Variants in HIBADH observed in about 807,000 individuals in gnomAD.
The protein encoded by HIBADH is 3-hydroxyisobutyrate dehydrogenase.
A neutral mutation model predicts 36.1 loss-of-function variants in HIBADH; 25 were observed. The observed-to-expected ratio is 0.69, with a 90% CI of 0.50 to 0.97. HIBADH has a LOEUF of 0.97. Ranked by LOEUF, HIBADH falls within the 50% of genes least tolerant of loss-of-function variation. The pLI, the probability that HIBADH is intolerant of heterozygous loss-of-function variation, is 0.00. For synonymous variants in HIBADH, 160 were observed against 149.5 expected (o/e 1.07, Z -0.51); for missense variants, 421 against 418.0 (o/e 1.01, Z -0.06).
chr7:27,604,531 C>G (rs1236150088), intron 4 of HIBADH, among the ~76,000 whole-genome samples: 2 of 151,774 alleles, frequency 1.3e-5, no homozygotes, highest in Non-Finnish European at 2.9e-5. Context: ...GAGGCAATTC[C>G]AGAACACAGG....
chr7:27,557,083 C>A (rs532848835), intron 4 of HIBADH, among the ~76,000 whole-genome samples: 1 of 150,314 alleles, frequency 6.7e-6, no homozygotes, highest in Non-Finnish European at 1.5e-5. Flanking sequence ...GAGGCTATAG[C>A]GAGGCATGTT....
At chr7:27,540,399 T>C (rs1784130968) in intron 5 of HIBADH, among the ~76,000 whole-genome samples, 1 of 152,174 alleles carries the variant, frequency 6.6e-6, no homozygotes, top group Non-Finnish European at 1.5e-5. Context: ...CTTGAATTAA[T>C]CCAAGATCCA....
chr7:27,643,151 A>G (rs563734602), intron 2 of HIBADH, among the ~76,000 whole-genome samples: 1 of 152,342 alleles, frequency 6.6e-6, no homozygotes, highest in South Asian at 2.1e-4. Flanking sequence ...TCTGAGCTAT[A>G]TTCCCAGTGC....
chr7:27,532,359 A>T (rs914876702), intron 6 of HIBADH, among the ~76,000 whole-genome samples: 1 of 152,064 alleles, frequency 6.6e-6, no homozygotes, highest in East Asian at 1.9e-4. Context: ...TCCAGAAAAT[A>T]AAAAAAACAC....
intron 2 of HIBADH, among the ~76,000 whole-genome samples, chr7:27,633,602 T>C (rs1253472758): frequency 2.0e-5 from 3 of 151,928 alleles, no homozygotes; most frequent in Non-Finnish European, 4.4e-5. Flanking sequence ...GAGGTTACGG[T>C]GAGCTATGAT....
intron 4 of HIBADH, among the ~76,000 whole-genome samples, chr7:27,578,083 T>C (rs965281818): frequency 5.3e-5 from 8 of 152,344 alleles, no homozygotes; most frequent in Non-Finnish European, 1.0e-4. Context: ...AATCAAATCA[T>C]TAAATAGTTT....
chr7:27,578,093 TAG>T (rs1033853342), intron 4 of HIBADH, among the ~76,000 whole-genome samples: 11 of 152,306 alleles, frequency 7.2e-5, no homozygotes, highest in Admixed American at 4.6e-4. Context: ...TTAAATAGTT[TAG>T]AGAGTTCAGT....
intron 4 of HIBADH, among the ~76,000 whole-genome samples, chr7:27,592,792 C>G (rs1317786043): frequency 2.0e-5 from 3 of 148,070 alleles, no homozygotes; most frequent in Non-Finnish European, 4.4e-5. Flanking sequence ...AAATCCTAAT[C>G]TGATTATGCT....
intron 1 of HIBADH, among the ~76,000 whole-genome samples, chr7:27,660,519 G>C (rs891888318): frequency 1.1e-4 from 17 of 152,124 alleles, no homozygotes; most frequent in African/African-American, 4.1e-4. Flanking sequence ...CAAAAAACTA[G>C]CCGGGCGTGG....
At chr7:27,553,706 A>T (rs1187903444) in intron 4 of HIBADH, among the ~76,000 whole-genome samples, 1 of 152,216 alleles carries the variant, frequency 6.6e-6, no homozygotes, top group Non-Finnish European at 1.5e-5. Flanking sequence ...ATGGTGCACA[A>T]TGTCGGTTTA....
intron 6 of HIBADH, among the ~76,000 whole-genome samples, chr7:27,535,826 C>A (rs1784063769): frequency 6.6e-6 from 1 of 151,480 alleles, no homozygotes; most frequent in South Asian, 2.1e-4. Context: ...AGCATAGGGT[C>A]AATAAGAATT....
intron 4 of HIBADH, among the ~76,000 whole-genome samples, chr7:27,601,556 G>GT (rs1304410043): frequency 1.3e-5 from 2 of 151,968 alleles, no homozygotes; most frequent in African/African-American, 4.8e-5. Flanking sequence ...TCAATTTTGG[G>GT]TATTTAAAAA....
intron 2 of HIBADH, among the ~76,000 whole-genome samples, chr7:27,637,391 G>GT (rs1169077606): frequency 2.0e-5 from 3 of 152,060 alleles, no homozygotes; most frequent in Non-Finnish European, 2.9e-5. Context: ...TATCAGTTAC[G>GT]TTTTTTAAAA....
chr7:27,564,277 A>T (rs1231330893), intron 4 of HIBADH, among the ~76,000 whole-genome samples: 1 of 152,176 alleles, frequency 6.6e-6, no homozygotes, highest in African/African-American at 2.4e-5. Context: ...ATTTTTTCCA[A>T]ACCCAAGGCC....
chr7:27,653,453 C>T lies in HIBADH; in HGVS notation c.92-3820G>A, dbSNP rs181309291. 8.4e-4 allele frequency among the ~76,000 whole-genome samples: 127 copies of T among 152,082 alleles called. No homozygotes were observed. In the East Asian group the frequency reaches 0.011, roughly 14 times the overall value. On this transcript the variant is annotated intron_variant, in intron 1 of 7. Transcript: ENST00000265395. ...AACAGACTATTAGAAATACCATGAC[C>T]GGCCGGGCGTGGTGGCTCACGCCTG...
chr7:27,598,820 A>G (rs1785073753), intron 4 of HIBADH, among the ~76,000 whole-genome samples: 1 of 152,138 alleles, frequency 6.6e-6, no homozygotes, highest in Non-Finnish European at 1.5e-5. Flanking sequence ...CCTCACCATA[A>G]AAACTACCCA....
At position 27,538,286 on chromosome 7, in the gene HIBADH, A is replaced by C. The variant is rs1249648968; in HGVS notation, c.695+55T>G. The C allele has an allele frequency of 5.3e-6, 7 of 1,324,618 alleles. No individual in the cohort carries two copies. In the East Asian group the frequency reaches 1.6e-4, roughly 31 times the overall value. The allele number at this position is 1,324,618 out of a possible 1,614,324, so 82.1% of individuals were successfully genotyped here. On this transcript the variant is annotated intron_variant, in intron 6 of 7. Transcript: ENST00000265395. ...AATATCATTTTTTTAACATCAGAAA[A>C]TCAAATAGGAAAGCCTATAAAAATG...
intron 4 of HIBADH, among the ~76,000 whole-genome samples, chr7:27,595,536 A>AT (rs35969430): frequency 0.75 from 113,432 of 150,660 alleles, 43,084 homozygotes; most frequent in East Asian, 0.94. Flanking sequence ...CTGTCTCAAA[A>AT]TAAATAAATA....
intron 4 of HIBADH, among the ~76,000 whole-genome samples, chr7:27,554,042 G>T (rs1265127847): frequency 6.6e-6 from 1 of 152,132 alleles, no homozygotes; most frequent in Non-Finnish European, 1.5e-5. Context: ...CTGGAGTACA[G>T]TGGTGCGATC....
Sources: gnomAD v4.1 joint callset for allele counts (sites outside exome capture counted in the v4.1 genomes callset) on GRCh38, gnomAD v4.1.1 for gene constraint, MANE v1.5 for transcripts, NCBI Gene and HGNC (gene_info 2026-07-23, HGNC 2026-07-21) for gene names.